AMPH: variants seen among roughly 807,000 people sequenced by gnomAD.
AMPH encodes amphiphysin (Stiff-Mann syndrome with breast cancer 128kD autoantigen).
A neutral mutation model predicts 99.1 loss-of-function variants in AMPH; 49 were observed. That is an observed-to-expected ratio of 0.49 (90% confidence interval 0.39 to 0.63). The LOEUF is 0.63. AMPH is among the 20% of genes least tolerant of loss of function. The pLI, the probability that AMPH is intolerant of heterozygous loss-of-function variation, is 0.00. For synonymous variants in AMPH, 314 were observed against 317.3 expected (o/e 0.99, Z 0.11); for missense variants, 759 against 863.4 (o/e 0.88, Z 1.52).
chr7:38,552,376 C>T (rs1012937622), intron 1 of AMPH, among the ~76,000 whole-genome samples: 1 of 152,188 alleles, frequency 6.6e-6, no homozygotes, highest in Non-Finnish European at 1.5e-5. Context: ...GAACTGCTCT[C>T]ATTTGCCAGA....
At chr7:38,544,886 G>T (rs1368445254) in intron 1 of AMPH, among the ~76,000 whole-genome samples, 1 of 152,186 alleles carries the variant, frequency 6.6e-6, no homozygotes, top group Non-Finnish European at 1.5e-5. Context: ...AGGGAACTTA[G>T]ATCTTCCAGT....
chr7:38,392,401 T>TTTTTTTTC (rs1784533333), intron 18 of AMPH, among the ~76,000 whole-genome samples: 1 of 94,098 alleles, frequency 1.1e-5, no homozygotes, highest in Non-Finnish European at 2.2e-5. Flanking sequence ...TTTTTTTTTT[T>TTTTTTTTC]TTTGAGACAG....
chr7:38,570,703 T>G (rs568492753), intron 1 of AMPH, among the ~76,000 whole-genome samples: 1 of 133,858 alleles, frequency 7.5e-6, no homozygotes, highest in Non-Finnish European at 1.7e-5. Context: ...TTCCCATCGA[T>G]TAAAAAAAAA....
chr7:38,611,164 C>G (rs781702297), intron 1 of AMPH, among the ~76,000 whole-genome samples: 7 of 152,134 alleles, frequency 4.6e-5, no homozygotes, highest in Non-Finnish European at 1.0e-4. Context: ...TATGCAAGAA[C>G]ATGGATGAAA....
intron 1 of AMPH, among the ~76,000 whole-genome samples, chr7:38,584,258 A>T (rs1383251282): frequency 6.6e-6 from 1 of 152,142 alleles, no homozygotes; most frequent in East Asian, 1.9e-4. Context: ...TCCTTGCTTC[A>T]GGGGATAACA....
At chr7:38,391,260 T>C (rs902466538) in intron 19 of AMPH, among the ~76,000 whole-genome samples, 2 of 152,216 alleles carry the variant, frequency 1.3e-5, no homozygotes, top group African/African-American at 4.8e-5. Flanking sequence ...GCCTTTTTTT[T>C]CTGCCTTTTG....
chr7:38,615,698 A>T (rs1334444039), intron 1 of AMPH, among the ~76,000 whole-genome samples: 1 of 152,130 alleles, frequency 6.6e-6, no homozygotes, highest in Non-Finnish European at 1.5e-5. Context: ...TGCCCCTCTC[A>T]CCAGCCTAGG....
chr7:38,448,994 G>C lies in AMPH; in HGVS notation c.1017+12289C>G, dbSNP rs973187651. ...ATATATTATGACTAATTGTATAAAGGCTGACAGTCATGAGAATAGAGTCAG... is the reference window on the plus strand; with the variant it reads ...ATATATTATGACTAATTGTATAAAGCCTGACAGTCATGAGAATAGAGTCAG... On this transcript the variant is annotated intron_variant, in intron 11 of 20. Coordinates refer to ENST00000356264, the MANE Select transcript of AMPH (RefSeq NM_001635.4). Among the ~76,000 whole-genome samples, 3 of 152,056 alleles carry C rather than the reference G, an allele frequency of 2.0e-5. No homozygotes were observed. In the East Asian group the frequency reaches 5.8e-4, roughly 29 times the overall value.
chr7:38,487,434 A>G (rs905316000), intron 5 of AMPH, among the ~76,000 whole-genome samples: 4 of 152,228 alleles, frequency 2.6e-5, no homozygotes, highest in Non-Finnish European at 5.9e-5. Flanking sequence ...AGGATTCCCT[A>G]TTTAATAAAT....
chr7:38,541,017 TAAAA>T (rs60200785), intron 1 of AMPH, among the ~76,000 whole-genome samples: 7 of 97,694 alleles, frequency 7.2e-5, no homozygotes, highest in Non-Finnish European at 1.0e-4. Context: ...TTTCTGTTCT[TAAAA>T]AAAAAAAAAA....
At chr7:38,581,877 C>T (rs1053259863) in intron 1 of AMPH, among the ~76,000 whole-genome samples, 8 of 152,012 alleles carry the variant, frequency 5.3e-5, no homozygotes, top group Non-Finnish European at 1.2e-4. Flanking sequence ...GAGGTGAAAA[C>T]GACTATAGGG....
intron 17 of AMPH, 114 bp from the exon 18 acceptor site, chr7:38,394,328 T>C: frequency 9.4e-7 from 1 of 1,066,680 alleles, no homozygotes; most frequent in Non-Finnish European, 1.4e-6. Flanking sequence ...ATTTGGAACA[T>C]TCTTTGCACT....
intron 11 of AMPH, among the ~76,000 whole-genome samples, chr7:38,439,722 C>T (rs748682062): frequency 6.6e-6 from 1 of 152,078 alleles, no homozygotes; most frequent in Non-Finnish European, 1.5e-5. Context: ...GAAAGGAGAC[C>T]AGCTGTGGAA....
chr7:38,406,719 T>TCA (rs200108617), intron 17 of AMPH, among the ~76,000 whole-genome samples: 1 of 117,826 alleles, frequency 8.5e-6, no homozygotes. Flanking sequence ...CTCTCCTCTC[T>TCA]CTCTCCCTTT....
intron 3 of AMPH, among the ~76,000 whole-genome samples, chr7:38,501,669 C>A (rs1456030932): frequency 6.6e-6 from 1 of 151,554 alleles, no homozygotes; most frequent in African/African-American, 2.4e-5. Context: ...TTTATTATTT[C>A]ATTATTTAAT....
At chr7:38,567,660 T>C (rs1791795765) in intron 1 of AMPH, among the ~76,000 whole-genome samples, 1 of 152,248 alleles carries the variant, frequency 6.6e-6, no homozygotes, top group Non-Finnish European at 1.5e-5. Context: ...AAATATGTTG[T>C]CATCAAATGG....
chr7:38,389,340 A>G (rs551733175), intron 20 of AMPH, among the ~76,000 whole-genome samples: 59 of 152,340 alleles, frequency 3.9e-4, no homozygotes, highest in South Asian at 1.7e-3. Context: ...TGTGTAATGC[A>G]GAGATGATTA....
chr7:38,429,988 A>G, intron 13 of AMPH, 123 bp from the exon 14 acceptor site: 2 of 902,584 alleles, frequency 2.2e-6, no homozygotes, highest in South Asian at 2.2e-5. Context: ...GTTTAGGAAC[A>G]AATTTTACAA....
At chr7:38,473,391 T>C (rs898258160) in intron 7 of AMPH, among the ~76,000 whole-genome samples, 2 of 152,132 alleles carry the variant, frequency 1.3e-5, no homozygotes, top group Non-Finnish European at 2.9e-5. Context: ...TAAAGATATA[T>C]GTAAAGATTT....
Sources: gnomAD v4.1 joint callset for allele counts (sites outside exome capture counted in the v4.1 genomes callset) on GRCh38, gnomAD v4.1.1 for gene constraint, MANE v1.5 for transcripts, NCBI Gene and HGNC (gene_info 2026-07-23, HGNC 2026-07-21) for gene names.